The following OCA2 variants were observed in gnomAD, a reference collection of about 807,000 sequenced individuals.
OCA2 encodes P protein.
Under a neutral mutation model 100.2 loss-of-function variants are expected in OCA2, and 77 were observed. The ratio of observed to expected loss-of-function variants is 0.77; its 90% confidence interval spans 0.64 to 0.93. The LOEUF is 0.93. OCA2 is among the 40% of genes least tolerant of loss of function. OCA2 has a pLI of 0.00. For synonymous variants in OCA2, 432 were observed against 439.2 expected, an observed-to-expected ratio of 0.98 and a Z score of 0.21; for missense variants, 1,062 against 1,089.1, an observed-to-expected ratio of 0.98 and a Z score of 0.35.
intron 23 of OCA2, among the ~76,000 whole-genome samples, chr15:27,840,930 T>C (rs1322144702): frequency 6.6e-6 from 1 of 152,232 alleles, no homozygotes; most frequent in African/African-American, 2.4e-5. Flanking sequence ...AAAATTTTTT[T>C]GACACATTGG....
At chr15:27,873,373 AG>A (rs2036662817) in intron 19 of OCA2, among the ~76,000 whole-genome samples, 1 of 152,226 alleles carries the variant, frequency 6.6e-6, no homozygotes, top group Non-Finnish European at 1.5e-5. Flanking sequence ...CAATGTTCCC[AG>A]GGGGGATAAA....
At chr15:27,844,013 C>T (rs1371800689) in intron 23 of OCA2, among the ~76,000 whole-genome samples, 1 of 152,228 alleles carries the variant, frequency 6.6e-6, no homozygotes, top group African/African-American at 2.4e-5. Flanking sequence ...GAAACTTGCT[C>T]GACACCAAAT....
At chr15:28,018,313 T>A (rs2042466391) in intron 7 of OCA2, 84 bp downstream of exon 7, 1 of 1,370,298 alleles carries the variant, frequency 7.3e-7, no homozygotes, top group African/African-American at 1.4e-5. Context: ...TGGCTCCCCA[T>A]CAAATCCATT....
At position 27,854,535 on chromosome 15, in the gene OCA2, C is replaced by T. The variant is rs917838154; in HGVS notation, c.2245-3060G>A. The stretch of plus-strand genomic sequence containing the variant: ...ACGCTAGGAAAAGCATCTGATTCTG[C>T]GTCTATCAATCTGATGCAGAATCAG... On this transcript the variant is annotated intron_variant, in intron 21 of 23. Transcript: ENST00000354638. 3.3e-5 allele frequency among the ~76,000 whole-genome samples: 5 copies of T among 152,194 alleles called. No homozygotes were observed. The South Asian group carries it at 6.2e-4, about 19-fold the overall frequency.
chr15:27,927,257 C>T (rs1305793483), intron 18 of OCA2, among the ~76,000 whole-genome samples: 4 of 152,178 alleles, frequency 2.6e-5, no homozygotes, highest in African/African-American at 9.7e-5. Context: ...CCATTGCACT[C>T]CAGCCTGGGC....
downstream of OCA2, among the ~76,000 whole-genome samples, chr15:27,750,205 C>A (rs1467197500): frequency 6.6e-6 from 1 of 152,152 alleles, no homozygotes; most frequent in African/African-American, 2.4e-5. Context: ...AGGGCTCTTA[C>A]AAGATACTAA....
intron 19 of OCA2, among the ~76,000 whole-genome samples, chr15:27,888,535 C>A (rs1446204679): frequency 6.6e-6 from 1 of 151,748 alleles, no homozygotes; most frequent in East Asian, 1.9e-4. Flanking sequence ...AATGTCTCAA[C>A]AATCAGTTAA....
At chr15:28,087,387 C>A (rs4778236) in intron 1 of OCA2, among the ~76,000 whole-genome samples, 34,509 of 152,048 alleles carry the variant, frequency 0.23, 6,017 homozygotes, top group East Asian at 0.72. Context: ...AGAATGGCTA[C>A]AGGAAGTTCT....
chr15:28,089,234 C>A (rs181454265), intron 1 of OCA2, among the ~76,000 whole-genome samples: 3 of 152,280 alleles, frequency 2.0e-5, no homozygotes, highest in Admixed American at 2.0e-4. Context: ...GCCCAGATTT[C>A]ATATTGTTTA....
At chr15:27,785,710 T>G (rs961001347) in intron 23 of OCA2, among the ~76,000 whole-genome samples, 1 of 152,050 alleles carries the variant, frequency 6.6e-6, no homozygotes, top group Non-Finnish European at 1.5e-5. Context: ...GAGCAGGAAA[T>G]CCCATATGTT....
chr15:27,969,969 T>C (rs1475450005), intron 14 of OCA2, among the ~76,000 whole-genome samples: 2 of 151,072 alleles, frequency 1.3e-5, no homozygotes, highest in African/African-American at 4.9e-5. Context: ...TAGTAAAATA[T>C]GCATGGTGTA....
At chr15:28,014,956 G>C (rs1006442548) in intron 8 of OCA2, 27 bp from the exon 9 acceptor site, 2 of 1,613,154 alleles carry the variant, frequency 1.2e-6, no homozygotes, top group Admixed American at 1.7e-5. Flanking sequence ...CGACCTTACT[G>C]TTCACAAGGT....
intron 2 of OCA2, among the ~76,000 whole-genome samples, chr15:28,062,107 T>A (rs1300497712): frequency 6.6e-6 from 1 of 152,260 alleles, no homozygotes; most frequent in Non-Finnish European, 1.5e-5. Context: ...CTGTATCAAA[T>A]GGCAACTCCA....
chr15:27,897,273 C>T (rs1290652762), intron 19 of OCA2, among the ~76,000 whole-genome samples: 1 of 152,030 alleles, frequency 6.6e-6, no homozygotes, highest in Non-Finnish European at 1.5e-5. Context: ...TTTCCTGGGT[C>T]GGGCCCAGTG....
At chr15:28,005,141 C>G (rs1331209977) in intron 9 of OCA2, among the ~76,000 whole-genome samples, 1 of 152,120 alleles carries the variant, frequency 6.6e-6, no homozygotes, top group African/African-American at 2.4e-5. Context: ...CTGCCTGTAG[C>G]TCAGCTCAGC....
chr15:27,739,086 G>A, the OCA2 span, among the ~76,000 whole-genome samples: 1 of 152,098 alleles, frequency 6.6e-6, no homozygotes, highest in Non-Finnish European at 1.5e-5. Context: ...AGCACATGGA[G>A]CCTCTTTTGC....
chr15:27,989,724 C>G (rs1040996781), intron 10 of OCA2, 58 bp from the exon 11 acceptor site: 1 of 1,498,598 alleles, frequency 6.7e-7, no homozygotes, highest in Non-Finnish European at 9.2e-7. Flanking sequence ...CAGTGATGAG[C>G]CTAATGAAGC....
rs2041881744 is a variant in OCA2, at chr15:28,000,119, T to C, written c.1045-9472A>G. Among the ~76,000 whole-genome samples the C allele has an allele frequency of 2.0e-5, 3 of 152,126 alleles. No homozygotes were observed. In the South Asian group the frequency reaches 6.2e-4, roughly 31 times the overall value. On this transcript the variant is annotated intron_variant, in intron 9 of 23. Transcript: ENST00000354638. Reference sequence around the variant, plus strand: ...TCATAGAAATAGAAAAAAATTCTAATTTATATGGAACCACAGAAGACCCTA... The same window carrying C: ...TCATAGAAATAGAAAAAAATTCTAACTTATATGGAACCACAGAAGACCCTA...
Position 27,966,776 on chromosome 15 carries a change from CA to C in OCA2, c.1549del (p.Cys517AlafsTer31), listed in dbSNP as rs1315245204. 6.2e-7 allele frequency: 1 copy of C among 1,613,188 alleles called. No individual in the cohort carries two copies. The highest frequency in any genetic ancestry group is 1.3e-5 in the African/African-American group (1 of 74,902). Reference sequence around the variant, plus strand: ...CGGAAAGCAGACCAGGAGAACAAGGCAAATCCCAATGAACATGTGTGCAGTG... The same window carrying C: ...CGGAAAGCAGACCAGGAGAACAAGGCAATCCCAATGAACATGTGTGCAGTG... Reference protein sequence around the residue: ...GFTAHMFIGICLVLLVCFPLL... With the variant: ...GFTAHMFIGIXLVLLVCFPLL... On this transcript the variant is annotated frameshift_variant, in exon 15 of 24. Coordinates refer to ENST00000354638, the MANE Select transcript of OCA2 (RefSeq NM_000275.3). LOFTEE classifies it high-confidence loss of function.
Sources: gnomAD v4.1 joint callset for allele counts (sites outside exome capture counted in the v4.1 genomes callset) on GRCh38, gnomAD v4.1.1 for gene constraint, MANE v1.5 for transcripts, NCBI Gene and HGNC (gene_info 2026-07-23, HGNC 2026-07-21) for gene names.